Variants in HSPA12A observed in about 807,000 individuals in gnomAD.
HSPA12A encodes heat shock protein family A (Hsp70) member 12A, also known as heat shock 70 kDa protein 12A.
A neutral mutation model predicts 69.2 loss-of-function variants in HSPA12A; 28 were observed. The observed-to-expected ratio is 0.40, with a 90% CI of 0.30 to 0.55. HSPA12A has a LOEUF of 0.55. Ranked by LOEUF, HSPA12A falls within the 20% of genes least tolerant of loss-of-function variation. The probability of loss-of-function intolerance (pLI) is 0.38; values close to 1 mark genes in which losing one functional copy is unlikely to be tolerated. For missense variants in HSPA12A, 686 were observed against 900.7 expected, an observed-to-expected ratio of 0.76 and a Z score of 3.05; for synonymous variants, 345 against 370.5, an observed-to-expected ratio of 0.93 and a Z score of 0.79.
chr10:116,849,804 C>A (rs1846011020), upstream of HSPA12A: 1 of 1,406,932 alleles, frequency 7.1e-7, no homozygotes, highest in South Asian at 1.4e-5. Flanking sequence ...CAACGCCTTG[C>A]GCCTGCGCCT....
chr10:116,830,482 A>T (rs1035782557), intron 2 of HSPA12A: 4 of 152,206 alleles, frequency 2.6e-5, no homozygotes, highest in Non-Finnish European at 2.9e-5. Context: ...TATATTAAAT[A>T]TGCATATATG....
intron 2 of HSPA12A, among the ~76,000 whole-genome samples, chr10:116,756,556 G>A (rs957992010): frequency 1.2e-4 from 18 of 152,200 alleles, no homozygotes; most frequent in African/African-American, 2.9e-4. Flanking sequence ...TCTGGGCACC[G>A]GCCCATGTGG....
chr10:116,701,203 C>T, intron 3 of HSPA12A, 74 bp from the exon 4 acceptor site: 1 of 1,405,486 alleles, frequency 7.1e-7, no homozygotes, highest in African/African-American at 1.4e-5. Context: ...ATTTGAACAC[C>T]TACTGTATGC....
intron 2 of HSPA12A, chr10:116,827,575 C>T (rs776728705): frequency 6.6e-6 from 1 of 152,356 alleles, no homozygotes; most frequent in Non-Finnish European, 1.5e-5. Context: ...CCGCCACTGC[C>T]ATGTCACTGG....
chr10:116,706,825 T>A (rs1554882502), intron 2 of HSPA12A, among the ~76,000 whole-genome samples: 1 of 152,146 alleles, frequency 6.6e-6, no homozygotes, highest in African/African-American at 2.4e-5. Flanking sequence ...GTCCATGTAT[T>A]CACCGATTCA....
At chr10:116,744,155 C>T (rs1851595384), upstream of HSPA12A, among the ~76,000 whole-genome samples, 1 of 152,228 alleles carries the variant, frequency 6.6e-6, no homozygotes, top group Non-Finnish European at 1.5e-5. Context: ...GCTACAGCCG[C>T]TCTGATTCTT....
intron 5 of HSPA12A, among the ~76,000 whole-genome samples, chr10:116,693,613 A>C (rs1243462531): frequency 1.3e-5 from 2 of 152,248 alleles, no homozygotes; most frequent in Non-Finnish European, 2.9e-5. Context: ...GAGAGACAAG[A>C]AAGATTAATA....
At position 116,698,265 on chromosome 10, in the gene HSPA12A, C is replaced by T. The variant is rs530740525; in HGVS notation, c.546+370G>A. The T allele has an allele frequency of 1.4e-3, 254 of 184,214 alleles. 1 individual carries two copies. The highest frequency in any genetic ancestry group is 5.6e-3 in the African/African-American group (243 of 43,116). The allele number at this position is 184,214 out of a possible 1,614,324, so 11.4% of individuals were successfully genotyped here. ...ATGTTGCTATGCACATTCATGTATACGTGTGTGTGGACATCTTCTTTCATT... is the reference window on the plus strand; with the variant it reads ...ATGTTGCTATGCACATTCATGTATATGTGTGTGTGGACATCTTCTTTCATT... On this transcript the variant is annotated intron_variant, in intron 5 of 11. Coordinates refer to ENST00000369209, the MANE Select transcript of HSPA12A (RefSeq NM_025015.3).
intron 2 of HSPA12A, among the ~76,000 whole-genome samples, chr10:116,799,719 G>C (rs921596302): frequency 1.3e-5 from 2 of 152,188 alleles, no homozygotes; most frequent in African/African-American, 2.4e-5. Context: ...GCCACTTGCT[G>C]GTCTATCTCT....
intron 2 of HSPA12A, among the ~76,000 whole-genome samples, chr10:116,789,232 A>T (rs927391539): frequency 6.6e-6 from 1 of 152,206 alleles, no homozygotes; most frequent in African/African-American, 2.4e-5. Flanking sequence ...ATCGCAAAAT[A>T]AAATTACATT....
chr10:116,796,500 G>A (rs778571630), intron 2 of HSPA12A, among the ~76,000 whole-genome samples: 1 of 152,078 alleles, frequency 6.6e-6, no homozygotes, highest in Non-Finnish European at 1.5e-5. Context: ...CCTGCCCCAG[G>A]CCTGCTCCTG....
At chr10:116,736,560 G>A (rs1554886447) in intron 1 of HSPA12A, among the ~76,000 whole-genome samples, 2 of 152,146 alleles carry the variant, frequency 1.3e-5, no homozygotes, top group Admixed American at 6.5e-5. Flanking sequence ...CCTAATAAGA[G>A]GTCCTCATAC....
intron 1 of HSPA12A, among the ~76,000 whole-genome samples, chr10:116,724,929 C>G (rs1369887054): frequency 2.6e-5 from 4 of 152,322 alleles, no homozygotes; most frequent in Middle Eastern, 3.4e-3. Flanking sequence ...AAGGCCAACT[C>G]TCTGCCTGGC....
chr10:116,811,579 TAAAAAAAAAAAAAAA>T (rs60912684), intron 2 of HSPA12A, among the ~76,000 whole-genome samples: 5 of 105,928 alleles, frequency 4.7e-5, no homozygotes. Context: ...TTGCTTTTGT[TAAAAAAAAAAAAAAA>T]AAAAAAAAAA....
Position 116,710,500 on chromosome 10 carries a change from T to C in HSPA12A, c.41-3215A>G, listed in dbSNP as rs1554882948. ...GGGTCCCCAGGGGACTCTAGGATAC[T>C]TTGAGGGCAAGAAGCAAGGATTTTT... On this transcript the variant is annotated intron_variant, in intron 1 of 11. Transcript: ENST00000369209. This position sits in a 1 kb window ranked among gnomAD's most constrained non-coding sequence, Gnocchi z 4.1. Among the ~76,000 whole-genome samples, 1 of 152,164 alleles carries C rather than the reference T, an allele frequency of 6.6e-6. No individual in the cohort carries two copies. Among genetic ancestry groups the C allele is most frequent in the African/African-American group, 2.4e-5 (1 of 41,430 alleles).
chr10:116,691,300 G>C (rs1201445342), intron 6 of HSPA12A, among the ~76,000 whole-genome samples: 2 of 152,160 alleles, frequency 1.3e-5, no homozygotes, highest in African/African-American at 4.8e-5. Context: ...CAAGCCTTCC[G>C]AGTGAGCGCT....
rs7905740 is a variant in HSPA12A at position 116,716,281 on chromosome 10, T to G, written c.41-8996A>C. ...GCCCATTTTGCTTTGTCCTTCAGAC[T>G]TGCTGAGATCCCAATGCCATATGGG... On this transcript the variant is annotated intron_variant, in intron 1 of 11. Transcript: ENST00000369209. 3.2e-3 allele frequency among the ~76,000 whole-genome samples: 485 copies of G among 152,298 alleles called. 1 individual carries two copies. Among genetic ancestry groups the G allele is most frequent in the African/African-American group, 0.011 (462 of 41,566 alleles).
intron 1 of HSPA12A, among the ~76,000 whole-genome samples, chr10:116,740,922 C>T (rs1388462063): frequency 1.4e-5 from 2 of 140,758 alleles, no homozygotes; most frequent in Non-Finnish European, 3.0e-5. Context: ...TACTTATCGT[C>T]CTAAAAATTT....
At chr10:116,737,359 G>A (rs1554886526) in intron 1 of HSPA12A, among the ~76,000 whole-genome samples, 1 of 152,168 alleles carries the variant, frequency 6.6e-6, no homozygotes, top group Non-Finnish European at 1.5e-5. Context: ...GTAGAGCAGA[G>A]ATTATTAATC....
Sources: allele counts gnomAD v4.1 joint callset (sites outside exome capture counted in the v4.1 genomes callset), GRCh38; gene constraint gnomAD v4.1.1; non-coding constraint Gnocchi (gnomAD v3.1); transcripts MANE v1.5; gene names NCBI Gene and HGNC (gene_info 2026-07-23, HGNC 2026-07-21).